Variants in OR5D3 observed in about 807,000 individuals in gnomAD.
OR5D3 encodes the protein olfactory receptor family 5 subfamily D member 3.
the OR5D3 span, among the ~76,000 whole-genome samples, chr11:55,725,445 GT>G: frequency 6.6e-6 from 1 of 151,984 alleles, no homozygotes; most frequent in Non-Finnish European, 1.5e-5. Context: ...GTACTTTCAT[GT>G]TTATTATTGT....
At chr11:55,729,085 GA>G in the OR5D3 span, 1,403 of 151,820 alleles carry the variant, frequency 9.2e-3, 37 homozygotes, top group African/African-American at 0.032. Flanking sequence ...AAAAATCAAA[GA>G]AAAAAAGAAT....
At chr11:55,727,033 G>C in the OR5D3 span, 3 of 402,784 alleles carry the variant, frequency 7.4e-6, no homozygotes, top group East Asian at 3.5e-5. Context: ...GGTCAAGGTG[G>C]CCTCTGTCTT....
chr11:55,723,972 C>T, the OR5D3 span: 1 of 397,858 alleles, frequency 2.5e-6, no homozygotes, highest in East Asian at 3.6e-5. Context: ...TAATTAAGTG[C>T]TAAGCGGGAG....
chr11:55,728,746 T>G, the OR5D3 span: 1 of 149,974 alleles, frequency 6.7e-6, no homozygotes, highest in Admixed American at 6.8e-5. Flanking sequence ...TGCAACTTAC[T>G]GTTTAGGAAT....
At chr11:55,723,886 T>C in the OR5D3 span, 14 of 381,708 alleles carry the variant, frequency 3.7e-5, no homozygotes, top group Non-Finnish European at 6.5e-5. Context: ...ATAGGTTGGG[T>C]AAAAAAGTAA....
the OR5D3 span, chr11:55,726,201 AT>A: frequency 2.5e-6 from 1 of 398,542 alleles, no homozygotes; most frequent in East Asian, 3.6e-5. Context: ...CAACTTTCTT[AT>A]TTTTTTCTCA....
the OR5D3 span, chr11:55,729,543 C>A: frequency 6.6e-6 from 1 of 151,842 alleles, no homozygotes; most frequent in Admixed American, 6.6e-5. Flanking sequence ...TAAACAAAGA[C>A]GGCATCAAAG....
chr11:55,728,486 A>G, the OR5D3 span: 1 of 152,132 alleles, frequency 6.6e-6, no homozygotes, highest in Non-Finnish European at 1.5e-5. Flanking sequence ...GAAGTTTTCA[A>G]ATAATTGAAA....
At chr11:55,726,399 C>T in the OR5D3 span, 1 of 474,548 alleles carries the variant, frequency 2.1e-6, no homozygotes, top group East Asian at 3.1e-5. Context: ...TGTACTTTTT[C>T]CTCAGCCACT....
chr11:55,728,402 C>T, the OR5D3 span: 2 of 152,072 alleles, frequency 1.3e-5, no homozygotes, highest in Admixed American at 6.6e-5. Flanking sequence ...CATCTTTAAA[C>T]ACATTCTTCC....
At chr11:55,725,010 A>G in the OR5D3 span, among the ~76,000 whole-genome samples, 1 of 152,068 alleles carries the variant, frequency 6.6e-6, no homozygotes, top group South Asian at 2.1e-4. Flanking sequence ...CAGTACTTCC[A>G]TTTTGTGGGT....
At chr11:55,726,535 G>T in the OR5D3 span, 3 of 418,336 alleles carry the variant, frequency 7.2e-6, no homozygotes, top group Non-Finnish European at 1.3e-5. Context: ...CTGTATATTT[G>T]TGGTGACAGA....
At chr11:55,728,427 T>C in the OR5D3 span, 1 of 152,222 alleles carries the variant, frequency 6.6e-6, no homozygotes, top group East Asian at 1.9e-4. Context: ...TAATGCCAGA[T>C]AACTTTACTG....
the OR5D3 span, chr11:55,727,557 T>C: frequency 6.6e-6 from 1 of 152,470 alleles, no homozygotes; most frequent in Non-Finnish European, 1.5e-5. Flanking sequence ...TATAAAATAA[T>C]TACAATTAAT....
At chr11:55,726,949 A>G in the OR5D3 span, 8 of 399,742 alleles carry the variant, frequency 2.0e-5, no homozygotes, top group Non-Finnish European at 3.1e-5. Flanking sequence ...CTCCCACCTG[A>G]CCGCCATTAC....
At chr11:55,727,742 G>T in the OR5D3 span, 1 of 151,718 alleles carries the variant, frequency 6.6e-6, no homozygotes, top group Non-Finnish European at 1.5e-5. Context: ...GCAAATAAAT[G>T]CCCATCACCC....
At chr11:55,726,705 G>A in the OR5D3 span, 7 of 399,024 alleles carry the variant, frequency 1.8e-5, no homozygotes, top group Middle Eastern at 6.2e-4. Context: ...ATTTTCTGTT[G>A]ACTTTATCTT....
chr11:55,723,831 A>G, the OR5D3 span: 1 of 361,078 alleles, frequency 2.8e-6, no homozygotes, highest in African/African-American at 2.1e-5. Context: ...GCTAGGACTT[A>G]GTTTCTAGAT....
the OR5D3 span, among the ~76,000 whole-genome samples, chr11:55,724,983 C>A: frequency 9.7e-3 from 1,468 of 151,978 alleles, 32 homozygotes; most frequent in African/African-American, 0.034. Flanking sequence ...TAGACTAAAG[C>A]CACAAATAAA....
Sources: allele counts gnomAD v4.1 joint callset (sites outside exome capture counted in the v4.1 genomes callset), GRCh38; gene constraint gnomAD v4.1.1; transcripts MANE v1.5; gene names NCBI Gene and HGNC (gene_info 2026-07-23, HGNC 2026-07-21).